The following PCYOX1 variants were observed in gnomAD, a reference collection of about 807,000 sequenced individuals.
PCYOX1 encodes the protein prenylcysteine lyase.
A neutral mutation model predicts 46.4 loss-of-function variants in PCYOX1; 46 were observed. The ratio of observed to expected loss-of-function variants is 0.99; its 90% CI spans 0.78 to 1.27. PCYOX1 has a LOEUF of 1.27. PCYOX1 is among the 50% of genes most tolerant of loss of function. The pLI, the probability that PCYOX1 is intolerant of heterozygous loss-of-function variation, is 0.00. For synonymous variants in PCYOX1, 220 were observed against 231.8 expected (o/e 0.95, Z 0.46); for missense variants, 658 against 628.3 (o/e 1.05, Z -0.51).
At chr2:70,264,171 C>T (rs1375362758) in intron 3 of PCYOX1, among the ~76,000 whole-genome samples, 1 of 151,366 alleles carries the variant, frequency 6.6e-6, no homozygotes, top group Non-Finnish European at 1.5e-5. Flanking sequence ...GGCCATGTTG[C>T]CCAGGCTGGT....
In PCYOX1 at chr2:70,274,195, C is replaced by CT. The variant is rs397868949; in HGVS notation, c.495-744dup. Among the ~76,000 whole-genome samples the CT allele has an allele frequency of 4.2e-3, 491 of 115,946 alleles. 3 individuals are homozygous for CT. Among genetic ancestry groups the CT allele is most frequent in the African/African-American group, 0.01 (351 of 35,092 alleles). 76.1% of individuals were successfully genotyped at this position (115,946 alleles called of 152,430 possible). On this transcript the variant is annotated intron_variant, in intron 3 of 5. Coordinates refer to ENST00000433351, the MANE Select transcript of PCYOX1 (RefSeq NM_016297.4). Reference sequence around the variant, plus strand: ...CTTTAGACAAAGTATTTTACTTCTACTTTTTTTTTTTTTTTTTTTTGAGAT... The same window carrying CT: ...CTTTAGACAAAGTATTTTACTTCTACTTTTTTTTTTTTTTTTTTTTTGAGAT...
intron 3 of PCYOX1, among the ~76,000 whole-genome samples, chr2:70,265,618 C>T (rs1206880180): frequency 1.3e-5 from 2 of 152,140 alleles, no homozygotes; most frequent in Non-Finnish European, 1.5e-5. Context: ...ACACTGTGTG[C>T]TTGTGTTCTA....
chr2:70,275,681 CTTA>C lies in PCYOX1; in HGVS notation c.859+18_859+20del. ...CAAGTACACAGGTAAGCTTGAATTT[CTTA>C]TTGTTCCTGATATCCCCTGCAGAAA... On this transcript the variant is annotated intron_variant, in intron 5 of 5. Transcript: ENST00000433351. 6.2e-7 allele frequency: 1 copy of C among 1,611,194 alleles called. No individual in the cohort carries two copies. Among genetic ancestry groups the C allele is most frequent in the Non-Finnish European group, 8.5e-7 (1 of 1,177,460 alleles).
chr2:70,259,381 G>T lies in PCYOX1; in HGVS notation c.134G>T (p.Gly45Val), dbSNP rs775743796. ...DKIAIIGAGI[G>V]GTSAAYYLRQ... Reference sequence around the variant, plus strand: ...ATAGCGATTATTGGAGCCGGAATTGGTGGCACTTCAGCAGCCTATTACCTG... The same window carrying T: ...ATAGCGATTATTGGAGCCGGAATTGTTGGCACTTCAGCAGCCTATTACCTG... The change falls in exon 2 of 6, where the codon GGT (glycine) becomes GTT (valine). Residue 45 changes from glycine to valine, a missense_variant. By Grantham distance (109) the Gly-to-Val change is moderately radical. Coordinates refer to ENST00000433351, the MANE Select transcript of PCYOX1 (RefSeq NM_016297.4). 6.2e-7 allele frequency: 1 copy of T among 1,614,028 alleles called. No homozygotes were observed.
In PCYOX1 at chr2:70,277,287, C is replaced by T. The variant is rs1273908053; in HGVS notation, c.1413C>T (p.Ala471=). The change falls in exon 6 of 6, where the codon GCC becomes GCT. Residue 471 remains alanine (A), a synonymous_variant. Transcript: ENST00000433351. The stretch of plus-strand genomic sequence containing the variant: ...CAGCAAGTGCCATGGAGATGAGTGC[C>T]ATTGCAGCCCACAACGCTGCACTCC... The part of the protein sequence containing the change: ...ECAASAMEMS[A]IAAHNAALLA... The T allele has an allele frequency of 1.2e-6, 2 of 1,613,904 alleles. No homozygotes were observed. Among genetic ancestry groups the T allele is most frequent in the African/African-American group, 2.7e-5 (2 of 74,900 alleles).
In PCYOX1 at chr2:70,275,110, A is replaced by G; in HGVS notation, c.646A>G (p.Met216Val). 1 of 1,614,200 alleles carries G rather than the reference A, an allele frequency of 6.2e-7. No individual in the cohort carries two copies. Among genetic ancestry groups the G allele is most frequent in the Non-Finnish European group, 8.5e-7 (1 of 1,180,028 alleles). ...AGFSEKFLNE[M>V]IAPVMRVNYG... ...CTTTTCTGAGAAGTTCCTCAATGAAATGATTGCTCCTGTTATGAGGGTCAA... is the reference window on the plus strand; with the variant it reads ...CTTTTCTGAGAAGTTCCTCAATGAAGTGATTGCTCCTGTTATGAGGGTCAA... The change falls in exon 4 of 6, where the codon ATG (methionine) becomes GTG (valine). Residue 216 changes from methionine to valine, a missense_variant. Coordinates refer to ENST00000433351, the MANE Select transcript of PCYOX1 (RefSeq NM_016297.4).
intron 1 of PCYOX1, 153 bp downstream of exon 1, chr2:70,258,429 C>T (rs1248876980): frequency 7.5e-6 from 4 of 531,290 alleles, no homozygotes; most frequent in Non-Finnish European, 1.3e-5. Flanking sequence ...ATTCACACTT[C>T]AGGGCGGCTT....
At chr2:70,269,462 A>C (rs1436693678) in intron 3 of PCYOX1, among the ~76,000 whole-genome samples, 1 of 151,372 alleles carries the variant, frequency 6.6e-6, no homozygotes, top group African/African-American at 2.4e-5. Context: ...CAGCCTCCTG[A>C]GTAGGTGGGA....
intron 3 of PCYOX1, among the ~76,000 whole-genome samples, chr2:70,272,125 A>ATTTTT (rs553647193): frequency 2.2e-5 from 3 of 133,650 alleles, no homozygotes; most frequent in Admixed American, 7.6e-5. Flanking sequence ...CTAATTTTTA[A>ATTTTT]TTTTTTTTTT....
intron 3 of PCYOX1, among the ~76,000 whole-genome samples, chr2:70,272,568 A>ATG (rs1331227248): frequency 6.6e-6 from 1 of 152,112 alleles, no homozygotes; most frequent in Non-Finnish European, 1.5e-5. Flanking sequence ...TGCAACCATA[A>ATG]TGTACTACAG....
At position 70,274,992 on chromosome 2, in the gene PCYOX1, C is replaced by T; in HGVS notation, c.528C>T (p.Phe176=). 6.2e-7 allele frequency: 1 copy of T among 1,611,618 alleles called. No individual in the cohort carries two copies. Among genetic ancestry groups the T allele is most frequent in the Non-Finnish European group, 8.5e-7 (1 of 1,177,688 alleles). Residue 176 remains phenylalanine, a synonymous_variant, in exon 4 of 6, where the codon TTC becomes TTT. Coordinates refer to ENST00000433351, the MANE Select transcript of PCYOX1 (RefSeq NM_016297.4). ...GCTACCAGTCTCATGACTATGCCTT[C>T]AGTAGTGTCGAAAAATTACTTCATG... ...IYRYQSHDYA[F]SSVEKLLHAL... is the part of the protein sequence containing the mutation.
rs1696402687 is a variant in PCYOX1 at position 70,259,479 on chromosome 2, A to G, written c.232A>G (p.Met78Val). 2 of 1,614,036 alleles carry G rather than the reference A, an allele frequency of 1.2e-6. No homozygotes were observed. Among genetic ancestry groups the G allele is most frequent in the Admixed American group, 1.7e-5 (1 of 59,992 alleles). ...REEVGGRLAT[M>V]MVQGQEYEAG... Reference sequence around the variant, plus strand: ...AGAGGTCGGGGGCCGCCTGGCTACCATGATGGTGCAGGGGCAAGAATACGA... The same window carrying G: ...AGAGGTCGGGGGCCGCCTGGCTACCGTGATGGTGCAGGGGCAAGAATACGA... The change falls in exon 2 of 6, where the codon ATG (methionine) becomes GTG (valine). Residue 78 changes from methionine (M) to valine (V), a missense_variant. Physicochemically the swap from Met to Val is conservative, Grantham distance 21. Coordinates refer to ENST00000433351, the MANE Select transcript of PCYOX1 (RefSeq NM_016297.4).
At position 70,275,456 on chromosome 2, in the gene PCYOX1, G is replaced by A. The variant is rs546872219; in HGVS notation, c.707-58G>A. The A allele has an allele frequency of 8.0e-4, 1,225 of 1,536,580 alleles. 1 individual carries two copies. The highest frequency in any genetic ancestry group is 1.0e-3 in the Non-Finnish European group (1,150 of 1,114,288). On this transcript the variant is annotated intron_variant, in intron 4 of 5. Coordinates refer to ENST00000433351, the MANE Select transcript of PCYOX1 (RefSeq NM_016297.4). ...AACATGTAATTGGGAAGGGAGAGTG[G>A]GTAGAGAGCCTCTTACAAAAAGTCA... is the stretch of plus-strand genomic sequence containing the variant.
At position 70,261,302 on chromosome 2, in the gene PCYOX1, A is replaced by T; in HGVS notation, c.410A>T (p.Asn137Ile). The change falls in exon 3 of 6, where the codon AAC becomes ATC. Residue 137 changes from asparagine (N) to isoleucine (I), a missense_variant. Coordinates refer to ENST00000433351, the MANE Select transcript of PCYOX1 (RefSeq NM_016297.4). Reference protein sequence around the residue: ...VFEESNWFIINVIKLVWRYGF... With the variant: ...VFEESNWFIIIVIKLVWRYGF... ...GAGGAGAGCAACTGGTTCATAATTA[A>T]CGTGATTAAATTAGTTTGGCGCTAT... 2 of 1,610,708 alleles carry T rather than the reference A, an allele frequency of 1.2e-6. No individual in the cohort carries two copies. The highest frequency in any genetic ancestry group is 1.7e-6 in the Non-Finnish European group (2 of 1,176,836).
At chr2:70,267,782 AGGGAGAGGGGGAGGGGGAGG>A (rs1325624915) in intron 3 of PCYOX1, among the ~76,000 whole-genome samples, 1 of 108,684 alleles carries the variant, frequency 9.2e-6, no homozygotes, top group Non-Finnish European at 1.9e-5. Flanking sequence ...GACCGTGGAG[AGGGAGAGGGGGAGGGGGAGG>A]GGGAGAGGGA....
At chr2:70,259,638 A>G in intron 2 of PCYOX1, 72 bp downstream of exon 2, 1 of 1,173,080 alleles carries the variant, frequency 8.5e-7, no homozygotes, top group Admixed American at 1.9e-5. Context: ...CAGATGGAGA[A>G]CTGAAATTTC....
chr2:70,270,430 C>CT lies in PCYOX1; in HGVS notation c.495-4527dup, dbSNP rs138133783. 1.6e-3 allele frequency among the ~76,000 whole-genome samples: 244 copies of CT among 152,292 alleles called. 2 individuals are homozygous for CT. Among genetic ancestry groups the CT allele is most frequent in the African/African-American group, 5.6e-3 (233 of 41,570 alleles). On this transcript the variant is annotated intron_variant, in intron 3 of 5. Transcript: ENST00000433351. ...ATGGAGGAGCAGATTTCCAGAGGTCCTTCCTCTGCCATTCTGGAAGTTTCC... is the reference window on the plus strand; with the variant it reads ...ATGGAGGAGCAGATTTCCAGAGGTCCTTTCCTCTGCCATTCTGGAAGTTTCC...
intron 3 of PCYOX1, among the ~76,000 whole-genome samples, chr2:70,267,546 G>A (rs1004262682): frequency 3.3e-5 from 5 of 152,118 alleles, no homozygotes; most frequent in African/African-American, 4.8e-5. Flanking sequence ...CTGGCACCTC[G>A]GGAGGCCGAG....
rs558695278 is a variant in PCYOX1, at chr2:70,280,440, C to T, written c.*3048C>T. On this transcript the variant is annotated 3_prime_UTR_variant, in exon 6 of 6. Transcript: ENST00000433351. ...AAGCCAGCTCTGCTCCAGTGGCTCT[C>T]TGAGTTGAGCATGCATCAGTTACCT... The T allele has an allele frequency of 6.6e-6, 1 of 152,206 alleles. No homozygotes were observed. Among genetic ancestry groups the T allele is most frequent in the East Asian group, 1.9e-4 (1 of 5,186 alleles). The allele number at this position is 152,206 out of a possible 1,614,324, so 9.4% of individuals were successfully genotyped here.
Sources: gnomAD v4.1 joint callset for allele counts (sites outside exome capture counted in the v4.1 genomes callset) on GRCh38, gnomAD v4.1.1 for gene constraint, MANE v1.5 for transcripts, NCBI Gene and HGNC (gene_info 2026-07-23, HGNC 2026-07-21) for gene names.